COL13A1: variants seen among roughly 807,000 people sequenced by gnomAD.
The protein encoded by COL13A1 is collagen alpha-1(XIII) chain.
COL13A1 carries 89 observed loss-of-function variants against 130.9 expected under a neutral mutation model. The observed-to-expected ratio is 0.68, with a 90% CI of 0.57 to 0.81. COL13A1 has a LOEUF of 0.81. COL13A1 is among the 30% of genes least tolerant of loss of function. The probability of loss-of-function intolerance (pLI) is 0.00; values close to 1 mark genes in which losing one functional copy is unlikely to be tolerated. For missense variants in COL13A1, 879 were observed against 934.6 expected, an observed-to-expected ratio of 0.94 and a Z score of 0.78; for synonymous variants, 402 against 341.6, an observed-to-expected ratio of 1.18 and a Z score of -1.95.
intron 3 of COL13A1, among the ~76,000 whole-genome samples, chr10:69,870,275 A>T (rs1036163794): frequency 6.6e-6 from 1 of 150,940 alleles, no homozygotes; most frequent in Non-Finnish European, 1.5e-5. Context: ...CAAACCTTTA[A>T]TTTTTTTTTC....
chr10:69,804,437 C>G (rs1840901966), intron 1 of COL13A1, among the ~76,000 whole-genome samples: 1 of 151,940 alleles, frequency 6.6e-6, no homozygotes, highest in Non-Finnish European at 1.5e-5. Context: ...ATCCGACATG[C>G]TCACTCCTTC....
At position 69,804,800 on chromosome 10, in the gene COL13A1, T is replaced by C. The variant is rs1396097900; in HGVS notation, c.294+2083T>C. On this transcript the variant is annotated intron_variant, in intron 1 of 40. Transcript: ENST00000645393. Reference sequence around the variant, plus strand: ...CAAAGAAGAAAATGGGCAGTGACCATGTCGTGTGCAAAAAAAAAAAAAAAA... The same window carrying C: ...CAAAGAAGAAAATGGGCAGTGACCACGTCGTGTGCAAAAAAAAAAAAAAAA... Among the ~76,000 whole-genome samples, 7 of 86,076 alleles carry C rather than the reference T, an allele frequency of 8.1e-5. No individual in the cohort carries two copies. The East Asian group carries it at 2.3e-3, about 29-fold the overall frequency. 56.5% of individuals were successfully genotyped at this position (86,076 alleles called of 152,430 possible).
At chr10:69,923,720 A>G (rs1265562274) in intron 23 of COL13A1, 82 bp from the exon 24 acceptor site, 1 of 1,528,394 alleles carries the variant, frequency 6.5e-7, no homozygotes, top group East Asian at 2.4e-5. Flanking sequence ...TCTAGGCATG[A>G]GCGGCAAGAC....
At chr10:69,926,038 C>T (rs1017041638) in intron 26 of COL13A1, 166 bp downstream of exon 26, 10 of 599,926 alleles carry the variant, frequency 1.7e-5, no homozygotes, top group African/African-American at 3.7e-5. Flanking sequence ...TTTGACCTCC[C>T]GCTGTGTAGC....
At chr10:69,927,177 G>A (rs1003861032) in intron 27 of COL13A1, 67 bp downstream of exon 27, 1 of 1,605,010 alleles carries the variant, frequency 6.2e-7, no homozygotes. Context: ...CAGCCTGGAA[G>A]CAAGGATTTG....
intron 10 of COL13A1, among the ~76,000 whole-genome samples, chr10:69,891,342 G>A (rs1203199106): frequency 6.6e-6 from 1 of 152,204 alleles, no homozygotes; most frequent in Non-Finnish European, 1.5e-5. Flanking sequence ...GCATTCAACC[G>A]AGAGAAAATA....
intron 2 of COL13A1, among the ~76,000 whole-genome samples, chr10:69,827,512 G>A (rs1363342884): frequency 6.6e-6 from 1 of 152,214 alleles, no homozygotes; most frequent in East Asian, 1.9e-4. Flanking sequence ...TGTGGCATCA[G>A]AGAAGGTTTG....
intron 14 of COL13A1, among the ~76,000 whole-genome samples, chr10:69,902,384 C>T (rs1189532608): frequency 2.0e-5 from 3 of 152,138 alleles, no homozygotes; most frequent in Non-Finnish European, 4.4e-5. Flanking sequence ...CAGAGGCAGG[C>T]CCAGGCTGAA....
intron 13 of COL13A1, among the ~76,000 whole-genome samples, chr10:69,896,014 C>T (rs551895589): frequency 3.7e-4 from 56 of 152,138 alleles, no homozygotes; most frequent in East Asian, 2.7e-3. Flanking sequence ...GCAGCCTAGC[C>T]GTGGCCAAAA....
At chr10:69,820,089 T>C (rs1845667503) in intron 1 of COL13A1, among the ~76,000 whole-genome samples, 1 of 109,868 alleles carries the variant, frequency 9.1e-6, no homozygotes, top group African/African-American at 3.1e-5. Context: ...AAAGAGGACC[T>C]TCCCTGACCT....
chr10:69,890,905 C>T (rs958105122), intron 10 of COL13A1, among the ~76,000 whole-genome samples: 2 of 152,238 alleles, frequency 1.3e-5, no homozygotes, highest in African/African-American at 4.8e-5. Flanking sequence ...TGAAGTCACA[C>T]AGCTGAATGT....
At chr10:69,834,105 G>A (rs1224468436) in intron 2 of COL13A1, among the ~76,000 whole-genome samples, 1 of 152,158 alleles carries the variant, frequency 6.6e-6, no homozygotes, top group Non-Finnish European at 1.5e-5. Flanking sequence ...TTCCATGTAT[G>A]GGGATGGGGG....
chr10:69,892,028 C>T (rs1023706793), intron 10 of COL13A1, among the ~76,000 whole-genome samples: 1 of 152,224 alleles, frequency 6.6e-6, no homozygotes, highest in African/African-American at 2.4e-5. Flanking sequence ...CCACACCGTC[C>T]CTCTGCCCCA....
At chr10:69,910,527 T>A (rs928226741) in intron 17 of COL13A1, among the ~76,000 whole-genome samples, 4 of 152,122 alleles carry the variant, frequency 2.6e-5, no homozygotes, top group African/African-American at 9.7e-5. Flanking sequence ...CCTGGTATCC[T>A]CTTAAAAGCC....
At chr10:69,862,527 C>T (rs1039579236) in intron 2 of COL13A1, among the ~76,000 whole-genome samples, 6 of 152,154 alleles carry the variant, frequency 3.9e-5, no homozygotes, top group Non-Finnish European at 7.4e-5. Context: ...TAAAGCTCAC[C>T]GGTGTCCCTT....
chr10:69,828,699 C>T (rs553550333), intron 2 of COL13A1, among the ~76,000 whole-genome samples: 18 of 152,356 alleles, frequency 1.2e-4, no homozygotes, highest in Middle Eastern at 3.4e-3. Context: ...ATCCTCTCCT[C>T]CCCACTTGGC....
At chr10:69,946,997 C>A (rs2068655359) in intron 37 of COL13A1, among the ~76,000 whole-genome samples, 1 of 152,160 alleles carries the variant, frequency 6.6e-6, no homozygotes. Flanking sequence ...ACCTCGTTGG[C>A]CAGGATGGTT....
intron 6 of COL13A1, among the ~76,000 whole-genome samples, chr10:69,879,673 G>A (rs1457638474): frequency 2.0e-5 from 3 of 152,234 alleles, no homozygotes; most frequent in Non-Finnish European, 2.9e-5. Context: ...GAGGAGGTAT[G>A]TGGGCTCAGA....
chr10:69,847,491 T>A (rs1853481866), intron 2 of COL13A1, among the ~76,000 whole-genome samples: 1 of 152,134 alleles, frequency 6.6e-6, no homozygotes. Context: ...CTTCCTCCCA[T>A]CCCCTCATCT....
Sources: gnomAD v4.1 joint callset for allele counts (sites outside exome capture counted in the v4.1 genomes callset) on GRCh38, gnomAD v4.1.1 for gene constraint, MANE v1.5 for transcripts, NCBI Gene and HGNC (gene_info 2026-07-23, HGNC 2026-07-21) for gene names.